RPTOR: variants seen among roughly 807,000 people sequenced by gnomAD.
RPTOR encodes regulatory-associated protein of mTOR.
Under a neutral mutation model 169.9 loss-of-function variants are expected in RPTOR, and 21 were observed. The observed-to-expected ratio is 0.12, with a 90% CI of 0.09 to 0.18. The LOEUF (loss-of-function observed/expected upper bound fraction) is 0.18, where lower values mean the gene tolerates loss of function less well. Ranked by LOEUF, RPTOR falls within the 10% of genes least tolerant of loss-of-function variation. RPTOR has a pLI of 1.00. For synonymous variants in RPTOR, 732 were observed against 753.2 expected, an observed-to-expected ratio of 0.97 and a Z score of 0.46; for missense variants, 1,133 against 1,855.9, an observed-to-expected ratio of 0.61 and a Z score of 7.16.
intron 21 of RPTOR, among the ~76,000 whole-genome samples, chr17:80,918,893 C>T (rs1313144275): frequency 1.3e-5 from 2 of 152,176 alleles, no homozygotes; most frequent in Non-Finnish European, 1.5e-5. Context: ...ATCATCAGCA[C>T]TCATGTCTAT....
intron 14 of RPTOR, 24 bp downstream of exon 14, chr17:80,880,513 C>G (rs1469658075): frequency 2.5e-6 from 4 of 1,611,236 alleles, no homozygotes. Context: ...AGCACGCTCT[C>G]CACGGGCTTG....
chr17:80,753,588 G>A (rs1375006403), intron 5 of RPTOR, among the ~76,000 whole-genome samples: 3 of 143,158 alleles, frequency 2.1e-5, no homozygotes, highest in Non-Finnish European at 3.0e-5. Flanking sequence ...AGTCGAGATC[G>A]CGCCACTGCA....
At chr17:80,677,929 TG>T (rs904285216) in intron 3 of RPTOR, among the ~76,000 whole-genome samples, 11 of 152,202 alleles carry the variant, frequency 7.2e-5, no homozygotes, top group Non-Finnish European at 1.5e-4. Context: ...AAATAAGGGA[TG>T]GGGACTTCCA....
chr17:80,575,963 G>A (rs987047814), intron 1 of RPTOR, among the ~76,000 whole-genome samples: 45 of 152,292 alleles, frequency 3.0e-4, no homozygotes, highest in African/African-American at 1.1e-3. Context: ...TTGTTGTAAA[G>A]TGACTCTTTA....
chr17:80,866,862 A>C (rs2067998354), intron 13 of RPTOR, among the ~76,000 whole-genome samples: 1 of 152,150 alleles, frequency 6.6e-6, no homozygotes, highest in African/African-American at 2.4e-5. Flanking sequence ...TTAAAGCCTG[A>C]GTCACTGTGC....
chr17:80,789,511 A>G (rs915497788), intron 6 of RPTOR, among the ~76,000 whole-genome samples: 1 of 152,180 alleles, frequency 6.6e-6, no homozygotes, highest in Non-Finnish European at 1.5e-5. Flanking sequence ...GCTGTCCTCC[A>G]CGGGGATCCT....
At chr17:80,650,297 G>C (rs190273413) in intron 3 of RPTOR, among the ~76,000 whole-genome samples, 1 of 152,232 alleles carries the variant, frequency 6.6e-6, no homozygotes, top group Admixed American at 6.5e-5. Flanking sequence ...AAGAGCACGC[G>C]TGTTGACTAG....
At chr17:80,919,698 T>C (rs376142674) in intron 21 of RPTOR, among the ~76,000 whole-genome samples, 6 of 152,318 alleles carry the variant, frequency 3.9e-5, no homozygotes, top group African/African-American at 1.2e-4. Flanking sequence ...GGCGTGTTCA[T>C]GTGCGCACTG....
chr17:80,690,334 C>T (rs1157525837), intron 3 of RPTOR, among the ~76,000 whole-genome samples: 1 of 122,986 alleles, frequency 8.1e-6, no homozygotes, highest in Non-Finnish European at 1.8e-5. Context: ...TAAACACACA[C>T]ACACACATAC....
intron 13 of RPTOR, among the ~76,000 whole-genome samples, chr17:80,876,975 T>TC (rs1347247993): frequency 7.8e-6 from 1 of 129,008 alleles, no homozygotes; most frequent in African/African-American, 3.0e-5. Context: ...TGCCGGGTCT[T>TC]CCACCGAGCC....
intron 1 of RPTOR, among the ~76,000 whole-genome samples, chr17:80,582,996 A>T (rs1218159001): frequency 1.3e-5 from 2 of 148,494 alleles, no homozygotes; most frequent in African/African-American, 5.0e-5. Context: ...GCTCACTGCA[A>T]CTTTCACCTC....
chr17:80,885,202 C>T, intron 17 of RPTOR, 54 bp downstream of exon 17: 1 of 1,535,068 alleles, frequency 6.5e-7, no homozygotes, highest in Non-Finnish European at 8.8e-7. Context: ...GACCCCGTGA[C>T]ACCTGGGGCC....
In RPTOR at chr17:80,891,815, C is replaced by G. The variant is rs1242001910; in HGVS notation, c.2079C>G (p.Ala693=). Residue 693 remains alanine (A), a synonymous_variant, in exon 18 of 34, where the codon GCC becomes GCG. Transcript: ENST00000306801. The part of the protein sequence containing the change: ...LQFIEEEKNY[A]LPSPATTEGG... ...TCATAGAAGAGGAAAAGAACTACGC[C>G]TTGCCTTCTCCAGCAACCACAGGTA... 6.2e-7 allele frequency: 1 copy of G among 1,613,668 alleles called. No homozygotes were observed. The highest frequency in any genetic ancestry group is 1.3e-5 in the African/African-American group (1 of 75,030).
rs997666881 is a variant in RPTOR, at chr17:80,860,356, C to T, written c.1509+2456C>T. Among the ~76,000 whole-genome samples the T allele has an allele frequency of 7.9e-5, 12 of 152,214 alleles. No homozygotes were observed. The highest frequency in any genetic ancestry group is 2.9e-5 in the Non-Finnish European group (2 of 68,038). Reference sequence around the variant, plus strand: ...GCTCGTACCCCGCACTGTGCGCTCTCACCCGTCAGCCCTGCACACCCCACA... The same window carrying T: ...GCTCGTACCCCGCACTGTGCGCTCTTACCCGTCAGCCCTGCACACCCCACA... On this transcript the variant is annotated intron_variant, in intron 13 of 33. Transcript: ENST00000306801. This position sits in a 1 kb window ranked among gnomAD's most constrained non-coding sequence, Gnocchi z 5.8.
chr17:80,777,544 G>T (rs1309080087), intron 6 of RPTOR, among the ~76,000 whole-genome samples: 1 of 136,998 alleles, frequency 7.3e-6, no homozygotes, highest in Non-Finnish European at 1.6e-5. Flanking sequence ...ATTGGCCTTT[G>T]TTGTTTTTTT....
chr17:80,964,098 G>T (rs1316920241), intron 33 of RPTOR, among the ~76,000 whole-genome samples, 164 bp from the exon 34 acceptor site: 1 of 152,190 alleles, frequency 6.6e-6, no homozygotes, highest in Non-Finnish European at 1.5e-5. Flanking sequence ...GCCCTGCAGA[G>T]GACTGGTGGG....
At chr17:80,690,905 C>G (rs1410429871) in intron 3 of RPTOR, among the ~76,000 whole-genome samples, 1 of 152,128 alleles carries the variant, frequency 6.6e-6, no homozygotes, top group Non-Finnish European at 1.5e-5. Flanking sequence ...AGTGATCCTC[C>G]CACCTGAGAC....
chr17:80,939,244 G>A (rs2068992603), intron 24 of RPTOR, among the ~76,000 whole-genome samples: 1 of 152,160 alleles, frequency 6.6e-6, no homozygotes, highest in Non-Finnish European at 1.5e-5. Flanking sequence ...CCAGACAAGT[G>A]GCCATCCTCC....
intron 1 of RPTOR, among the ~76,000 whole-genome samples, chr17:80,588,024 T>A (rs1180830253): frequency 6.6e-6 from 1 of 152,184 alleles, no homozygotes; most frequent in African/African-American, 2.4e-5. Context: ...TCATGTGGTG[T>A]TTGTCCTTCT....
Sources: allele counts gnomAD v4.1 joint callset (sites outside exome capture counted in the v4.1 genomes callset), GRCh38; gene constraint gnomAD v4.1.1; non-coding constraint Gnocchi (gnomAD v3.1); transcripts MANE v1.5; gene names NCBI Gene and HGNC (gene_info 2026-07-23, HGNC 2026-07-21).